PCDH15: variants seen among roughly 807,000 people sequenced by gnomAD.
The protein encoded by PCDH15 is protocadherin-15.
In PCDH15, 129 loss-of-function variants were observed where a neutral mutation model predicts 178.5. The ratio of observed to expected loss-of-function variants is 0.72; its 90% CI spans 0.63 to 0.84. The LOEUF is 0.84. Ranked by LOEUF, PCDH15 falls within the 40% of genes least tolerant of loss-of-function variation. The pLI is 0.00. For synonymous variants in PCDH15, 800 were observed against 732.0 expected (o/e 1.09, Z -1.50); for missense variants, 2,230 against 2,099.9 (o/e 1.06, Z -1.21).
chr10:54,499,143 C>T (rs2080401566), intron 3 of PCDH15, among the ~76,000 whole-genome samples: 1 of 151,986 alleles, frequency 6.6e-6, no homozygotes, highest in Non-Finnish European at 1.5e-5. Context: ...ATGTAAGCAG[C>T]CAACAATGGA....
upstream of PCDH15, among the ~76,000 whole-genome samples, chr10:55,323,274 A>G (rs895132376): frequency 6.6e-6 from 1 of 152,234 alleles, no homozygotes; most frequent in Non-Finnish European, 1.5e-5. Flanking sequence ...CTGCTAGGGC[A>G]GTGCAGAAGG....
At chr10:55,230,628 C>T (rs748594522) in intron 1 of PCDH15, among the ~76,000 whole-genome samples, 72 of 152,100 alleles carry the variant, frequency 4.7e-4, no homozygotes, top group South Asian at 1.5e-3. Flanking sequence ...GTATATGGAA[C>T]TTACAGAGAC....
intron 2 of PCDH15, among the ~76,000 whole-genome samples, chr10:55,002,723 G>T (rs1268941498): frequency 6.6e-6 from 1 of 152,122 alleles, no homozygotes; most frequent in Non-Finnish European, 1.5e-5. Context: ...AGTCCCTGTA[G>T]GCCCAAGTAC....
chr10:55,289,985 A>C (rs894790667), intron 1 of PCDH15, among the ~76,000 whole-genome samples: 1 of 150,280 alleles, frequency 6.7e-6, no homozygotes, highest in African/African-American at 2.5e-5. Context: ...TTCTGTCATA[A>C]GAAAACATAA....
At chr10:55,351,290 T>C (rs1238889024) in intron 2 of PCDH15, among the ~76,000 whole-genome samples, 4 of 151,888 alleles carry the variant, frequency 2.6e-5, no homozygotes, top group Non-Finnish European at 5.9e-5. Flanking sequence ...AATGACAATT[T>C]TTCTATTTGA....
intron 8 of PCDH15, among the ~76,000 whole-genome samples, chr10:54,240,921 G>A (rs11004158): frequency 0.056 from 8,526 of 151,974 alleles, 276 homozygotes; most frequent in South Asian, 0.096. Flanking sequence ...GTGAGCCACC[G>A]CGCCTGGCCA....
At chr10:55,263,685 AG>A (rs1842205190) in intron 1 of PCDH15, among the ~76,000 whole-genome samples, 1 of 152,054 alleles carries the variant, frequency 6.6e-6, no homozygotes, top group Non-Finnish European at 1.5e-5. Context: ...CTCTTTCCCC[AG>A]GATCTCCCCC....
chr10:54,080,688 G>A (rs1342960237), intron 16 of PCDH15, among the ~76,000 whole-genome samples: 1 of 152,096 alleles, frequency 6.6e-6, no homozygotes, highest in Non-Finnish European at 1.5e-5. Flanking sequence ...GGTTGACGTG[G>A]ACTTTTTAAA....
intron 14 of PCDH15, among the ~76,000 whole-genome samples, chr10:54,133,453 T>A (rs2042617497): frequency 6.6e-6 from 1 of 152,308 alleles, no homozygotes; most frequent in South Asian, 2.1e-4. Flanking sequence ...CTGCGTTTTA[T>A]CAGTTCTGTT....
At chr10:55,339,856 T>C (rs1179283180) in intron 2 of PCDH15, among the ~76,000 whole-genome samples, 1 of 152,026 alleles carries the variant, frequency 6.6e-6, no homozygotes, top group Non-Finnish European at 1.5e-5. Flanking sequence ...AATCTAACTT[T>C]ATTGTTTTCT....
At chr10:55,245,514 T>C (rs1234689671) in intron 1 of PCDH15, among the ~76,000 whole-genome samples, 1 of 152,194 alleles carries the variant, frequency 6.6e-6, no homozygotes, top group Non-Finnish European at 1.5e-5. Context: ...TTCAGTCTTC[T>C]TCAACTAGAT....
At chr10:54,528,521 C>A (rs1417795566) in intron 2 of PCDH15, 2 of 687,116 alleles carry the variant, frequency 2.9e-6, no homozygotes, top group Middle Eastern at 3.1e-4. Flanking sequence ...AAGCATTATA[C>A]AATAACATTA....
intron 18 of PCDH15, among the ~76,000 whole-genome samples, chr10:54,045,307 G>A (rs769314994): frequency 6.6e-5 from 10 of 152,094 alleles, no homozygotes; most frequent in Non-Finnish European, 1.3e-4. Context: ...GAAGACCGGG[G>A]TGATGTTTTC....
chr10:55,120,480 A>G (rs1262494420), intron 2 of PCDH15, among the ~76,000 whole-genome samples: 1 of 152,146 alleles, frequency 6.6e-6, no homozygotes, highest in African/African-American at 2.4e-5. Context: ...TAAAAAAAAT[A>G]GAAGCCCCAG....
At chr10:54,804,258 C>T (rs960181050), upstream of PCDH15, among the ~76,000 whole-genome samples, 9 of 152,138 alleles carry the variant, frequency 5.9e-5, no homozygotes, top group African/African-American at 2.2e-4. Context: ...CCAGGATGGT[C>T]TCGATCTCCT....
At chr10:54,499,714 A>G (rs1281859940) in intron 3 of PCDH15, among the ~76,000 whole-genome samples, 1 of 152,150 alleles carries the variant, frequency 6.6e-6, no homozygotes, top group East Asian at 1.9e-4. Context: ...GCATCAATCA[A>G]TAAGTTAGAA....
At chr10:55,074,040 T>A (rs975457782) in intron 2 of PCDH15, among the ~76,000 whole-genome samples, 1 of 152,140 alleles carries the variant, frequency 6.6e-6, no homozygotes, top group African/African-American at 2.4e-5. Context: ...AAGTGCATGA[T>A]CTCATTCTTT....
At chr10:54,140,827 G>A (rs1369723150) in intron 14 of PCDH15, among the ~76,000 whole-genome samples, 1 of 151,952 alleles carries the variant, frequency 6.6e-6, no homozygotes, top group Non-Finnish European at 1.5e-5. Flanking sequence ...GGGACTACAG[G>A]CATGTGCCAC....
chr10:55,210,626 T>C (rs1591991692), intron 1 of PCDH15, among the ~76,000 whole-genome samples: 2 of 119,136 alleles, frequency 1.7e-5, no homozygotes, highest in African/African-American at 6.4e-5. Context: ...TTCTTTTTTT[T>C]TTTTTTTTTT....
Sources: gnomAD v4.1 joint callset for allele counts (sites outside exome capture counted in the v4.1 genomes callset) on GRCh38, gnomAD v4.1.1 for gene constraint, MANE v1.5 for transcripts, NCBI Gene and HGNC (gene_info 2026-07-23, HGNC 2026-07-21) for gene names.